IQSEC2: variants seen among roughly 807,000 people sequenced by gnomAD.
The protein encoded by IQSEC2 is IQ motif and Sec7 domain ArfGEF 2.
A neutral mutation model predicts 74.6 loss-of-function variants in IQSEC2; 6 were observed. The ratio of observed to expected loss-of-function variants is 0.08; its 90% confidence interval spans 0.04 to 0.16. The LOEUF is 0.16. IQSEC2 is among the 10% of genes least tolerant of loss of function. The pLI is 1.00. For missense variants in IQSEC2, 734 were observed against 1,306.2 expected (o/e 0.56, Z 6.75); for synonymous variants, 494 against 544.5 (o/e 0.91, Z 1.29).
At chrX:53,307,764 G>A (rs147457370) in intron 1 of IQSEC2, among the ~76,000 whole-genome samples, 1,343 of 106,972 alleles carry the variant, frequency 0.013, 17 homozygotes, top group African/African-American at 0.042. Flanking sequence ...TTAGCCAGGC[G>A]TGGCAGTGCA....
At chrX:53,266,699 G>C in intron 2 of IQSEC2, 3 of 911,942 alleles carry the variant, frequency 3.3e-6, no homozygotes, top group Non-Finnish European at 4.1e-6. Context: ...CAAGCTCCAA[G>C]CTCCAAGCTC....
Position 53,320,784 on chromosome X carries a change from C to A in IQSEC2, c.340G>T (p.Val114Leu). ...GCGCCTTCCCGGTTCGGGTAGCCCACGTCCCGGGCCGCCTGGTGGAACTGG... is the reference window on the plus strand; with the variant it reads ...GCGCCTTCCCGGTTCGGGTAGCCCAAGTCCCGGGCCGCCTGGTGGAACTGG... ...ESQFHQAARDVGYPNREGAYQ... is the reference protein window; with the variant it reads ...ESQFHQAARDLGYPNREGAYQ... Residue 114 changes from valine (V) to leucine (L), a missense_variant, in exon 1 of 15, where the codon GTG (valine) becomes TTG (leucine). Physicochemically the swap from Val to Leu is conservative, Grantham distance 32. Transcript: ENST00000642864. 8.6e-7 allele frequency: 1 copy of A among 1,165,707 alleles called. No individual in the cohort carries two copies. Among genetic ancestry groups the A allele is most frequent in the Non-Finnish European group, 1.1e-6 (1 of 871,707 alleles).
intron 8 of IQSEC2, among the ~76,000 whole-genome samples, chrX:53,244,942 T>TACAC (rs1321085315): frequency 9.2e-6 from 1 of 108,828 alleles, no homozygotes; most frequent in Non-Finnish European, 1.9e-5. Flanking sequence ...AAGTTACACA[T>TACAC]ACACACACAC....
chrX:53,313,137 G>C (rs2075337522), intron 1 of IQSEC2, among the ~76,000 whole-genome samples: 1 of 111,938 alleles, frequency 8.9e-6, no homozygotes, highest in Non-Finnish European at 1.9e-5. Context: ...CCGCCTCTAG[G>C]GGGCAGGGCA....
At chrX:53,251,268 A>C in intron 4 of IQSEC2, 94 bp from the exon 5 acceptor site, 35 of 870,502 alleles carry the variant, frequency 4.0e-5, no homozygotes, top group Non-Finnish European at 5.4e-5. Flanking sequence ...GGAGGGAGGT[A>C]AGGAAAAAGG....
chrX:53,245,858 C>CTTT (rs368569948), intron 8 of IQSEC2, among the ~76,000 whole-genome samples: 8 of 75,660 alleles, frequency 1.1e-4, no homozygotes, highest in Non-Finnish European at 1.6e-4. Flanking sequence ...CTCAATTGTT[C>CTTT]TTTTTTTTTT....
intron 2 of IQSEC2, chrX:53,267,042 TCTCCTC>T: frequency 1.7e-6 from 2 of 1,148,324 alleles, no homozygotes; most frequent in South Asian, 1.9e-5. Flanking sequence ...TCTTCCTCAG[TCTCCTC>T]CTCCTCCTCC....
At chrX:53,247,676 C>T (rs1316625145) in intron 7 of IQSEC2, among the ~76,000 whole-genome samples, 5 of 112,134 alleles carry the variant, frequency 4.5e-5, no homozygotes, top group African/African-American at 1.3e-4. Context: ...CAGACACATA[C>T]GAGTTCAAAT....
At chrX:53,301,626 A>T (rs1355432791) in intron 1 of IQSEC2, among the ~76,000 whole-genome samples, 1 of 112,185 alleles carries the variant, frequency 8.9e-6, no homozygotes, top group Non-Finnish European at 1.9e-5. Flanking sequence ...GGGGAGATAG[A>T]CAGGGCTTGG....
chrX:53,313,799 C>T (rs782711972), intron 1 of IQSEC2, among the ~76,000 whole-genome samples: 1 of 111,739 alleles, frequency 8.9e-6, no homozygotes, highest in South Asian at 3.7e-4. Flanking sequence ...GACTTGGCAT[C>T]GAGGGTCAGG....
intron 2 of IQSEC2, among the ~76,000 whole-genome samples, chrX:53,274,080 T>C (rs782286636): frequency 1.2e-4 from 13 of 112,685 alleles, no homozygotes; most frequent in Non-Finnish European, 2.1e-4. Context: ...GTCTTTCTTT[T>C]GAGAAGCATA....
chrX:53,310,313 TG>T (rs1219989456), intron 1 of IQSEC2, among the ~76,000 whole-genome samples: 4 of 109,926 alleles, frequency 3.6e-5, no homozygotes, highest in African/African-American at 1.3e-4. Context: ...GAACCCAGGA[TG>T]TCGAGGCTGC....
At chrX:53,281,378 G>C in intron 2 of IQSEC2, 1 of 423,974 alleles carries the variant, frequency 2.4e-6, no homozygotes, top group Non-Finnish European at 4.1e-6. Flanking sequence ...GCCTCTCAGA[G>C]TCCAAGAAGG....
intron 6 of IQSEC2, 119 bp downstream of exon 6, chrX:53,248,602 C>T: frequency 1.3e-6 from 1 of 770,158 alleles, no homozygotes; most frequent in Non-Finnish European, 1.9e-6. Flanking sequence ...GCAGGAAGGT[C>T]TATTCATCCT....
chrX:53,245,847 T>G, intron 8 of IQSEC2, among the ~76,000 whole-genome samples: 1 of 104,014 alleles, frequency 9.6e-6, no homozygotes, highest in East Asian at 3.0e-4. Flanking sequence ...AATGACCTCA[T>G]CTCAATTGTT....
chrX:53,291,192 G>A (rs1810486591), intron 2 of IQSEC2, among the ~76,000 whole-genome samples: 1 of 110,510 alleles, frequency 9.0e-6, no homozygotes, highest in African/African-American at 3.3e-5. Flanking sequence ...GCTTCTGATG[G>A]GGTAAGGCCT....
chrX:53,272,705 T>C (rs1220901770), intron 2 of IQSEC2, among the ~76,000 whole-genome samples: 1 of 111,649 alleles, frequency 9.0e-6, no homozygotes, highest in African/African-American at 3.3e-5. Flanking sequence ...TTTTCCCTCC[T>C]GCATCACCTT....
intron 2 of IQSEC2, among the ~76,000 whole-genome samples, chrX:53,276,900 C>G (rs2074843098): frequency 8.9e-6 from 1 of 111,927 alleles, no homozygotes; most frequent in Non-Finnish European, 1.9e-5. Flanking sequence ...TTGAACAATC[C>G]CTGCACTCTT....
downstream of IQSEC2, chrX:53,231,594 A>G (rs1235750585): frequency 8.9e-6 from 1 of 112,094 alleles, no homozygotes; most frequent in Non-Finnish European, 1.9e-5. Context: ...CTGAAGGGCT[A>G]GGTGACTTGC....
Sources: allele counts gnomAD v4.1 joint callset (sites outside exome capture counted in the v4.1 genomes callset), GRCh38; gene constraint gnomAD v4.1.1; transcripts MANE v1.5; gene names NCBI Gene and HGNC (gene_info 2026-07-23, HGNC 2026-07-21).